Variants in TTLL11 observed in about 807,000 individuals in gnomAD.
TTLL11 encodes tubulin polyglutamylase TTLL11.
Under a neutral mutation model 51.7 loss-of-function variants are expected in TTLL11, and 42 were observed. That is an observed-to-expected ratio of 0.81 (90% CI 0.64 to 1.05). TTLL11 has a LOEUF of 1.05. TTLL11 is among the 50% of genes least tolerant of loss of function. The pLI is 0.00. For missense variants in TTLL11, 799 were observed against 940.4 expected (o/e 0.85, Z 1.97); for synonymous variants, 381 against 383.5 (o/e 0.99, Z 0.08).
intron 6 of TTLL11, among the ~76,000 whole-genome samples, chr9:121,883,400 T>C (rs1371483960): frequency 2.0e-5 from 3 of 152,174 alleles, no homozygotes; most frequent in Non-Finnish European, 4.4e-5. Flanking sequence ...TCCTTTGACA[T>C]ATATTTATTG....
intron 1 of TTLL11, among the ~76,000 whole-genome samples, chr9:122,079,104 A>G (rs1320728514): frequency 6.6e-6 from 1 of 152,098 alleles, no homozygotes; most frequent in Non-Finnish European, 1.5e-5. Flanking sequence ...TCTTGGGTAT[A>G]TATCAGGAGA....
At chr9:122,066,214 A>G (rs116531720) in intron 1 of TTLL11, among the ~76,000 whole-genome samples, 43 of 140,642 alleles carry the variant, frequency 3.1e-4, no homozygotes, top group African/African-American at 3.3e-4. Flanking sequence ...TGTTGTTGTT[A>G]GTGGTGGTGG....
At chr9:121,905,463 T>C (rs928412744) in intron 6 of TTLL11, among the ~76,000 whole-genome samples, 6 of 151,984 alleles carry the variant, frequency 3.9e-5, no homozygotes, top group African/African-American at 1.2e-4. Context: ...GCTATTCTCA[T>C]GCCTCAGCCT....
chr9:121,968,318 C>T (rs1473025208), intron 6 of TTLL11, among the ~76,000 whole-genome samples: 1 of 152,112 alleles, frequency 6.6e-6, no homozygotes, highest in East Asian at 1.9e-4. Flanking sequence ...CTTCAGGAGC[C>T]AAAGGTAATT....
At chr9:121,834,713 G>A (rs56678373) in intron 8 of TTLL11, among the ~76,000 whole-genome samples, 2,426 of 152,058 alleles carry the variant, frequency 0.016, 66 homozygotes, top group African/African-American at 0.054. Context: ...TGTAATCCTA[G>A]CTACTCAGGA....
At chr9:122,034,429 C>T (rs1049609732) in intron 2 of TTLL11, among the ~76,000 whole-genome samples, 4 of 152,218 alleles carry the variant, frequency 2.6e-5, no homozygotes, top group African/African-American at 7.2e-5. Context: ...AAATGGCCAA[C>T]TTAAGAAGCA....
intron 7 of TTLL11, among the ~76,000 whole-genome samples, chr9:121,866,749 T>A (rs1237448715): frequency 5.3e-5 from 8 of 152,096 alleles, no homozygotes; most frequent in African/African-American, 1.9e-4. Flanking sequence ...GCATTCTTAA[T>A]TACTACAGAC....
At chr9:121,895,581 G>T (rs1378126462) in intron 6 of TTLL11, among the ~76,000 whole-genome samples, 1 of 150,896 alleles carries the variant, frequency 6.6e-6, no homozygotes, top group Non-Finnish European at 1.5e-5. Flanking sequence ...TTGTGTGTTT[G>T]TGTGACTGTG....
rs541040221 is a variant in TTLL11 at position 121,826,658 on chromosome 9, C to T, written c.1841-3779G>A. 2.6e-4 allele frequency among the ~76,000 whole-genome samples: 39 copies of T among 150,038 alleles called. 2 individuals carry two copies. Among genetic ancestry groups the T allele is most frequent in the Admixed American group, 2.3e-3 (35 of 14,998 alleles). On this transcript the variant is annotated intron_variant, in intron 8 of 8. Transcript: ENST00000321582. ...CAATCCTCATGCACTGCTGCTTCTG[C>T]ACCTTATTCCCAGAAACCCTCTGGA...
At chr9:121,952,648 T>A (rs918144991) in intron 6 of TTLL11, among the ~76,000 whole-genome samples, 2 of 152,094 alleles carry the variant, frequency 1.3e-5, no homozygotes, top group Non-Finnish European at 1.5e-5. Context: ...TCTGTTCCCC[T>A]GGGGAAATAA....
intron 4 of TTLL11, among the ~76,000 whole-genome samples, chr9:121,978,774 G>T (rs543826102): frequency 6.6e-6 from 1 of 152,186 alleles, no homozygotes; most frequent in East Asian, 1.9e-4. Flanking sequence ...TTATGCAAAG[G>T]TTCCAAACTA....
At chr9:121,915,761 G>A (rs1287855841) in intron 6 of TTLL11, among the ~76,000 whole-genome samples, 1 of 151,892 alleles carries the variant, frequency 6.6e-6, no homozygotes, top group Non-Finnish European at 1.5e-5. Context: ...GCTACTTTAT[G>A]TTATCTTCAC....
At chr9:121,998,859 C>T (rs1018822039) in intron 3 of TTLL11, among the ~76,000 whole-genome samples, 84 of 152,260 alleles carry the variant, frequency 5.5e-4, no homozygotes, top group African/African-American at 1.8e-3. Context: ...AGGCTAGTCT[C>T]GAACTCCTGA....
chr9:121,948,866 G>A (rs7851839), intron 6 of TTLL11, among the ~76,000 whole-genome samples: 56,202 of 152,020 alleles, frequency 0.37, 11,067 homozygotes, highest in East Asian at 0.57. Context: ...GACACAACAC[G>A]GTATAAGAGC....
intron 1 of TTLL11, among the ~76,000 whole-genome samples, chr9:122,086,667 G>C (rs1052353381): frequency 2.0e-5 from 3 of 152,242 alleles, no homozygotes; most frequent in African/African-American, 7.2e-5. Context: ...ACAGGATTTG[G>C]AAGGTGCAGG....
At chr9:121,899,889 A>T (rs535607564) in intron 6 of TTLL11, among the ~76,000 whole-genome samples, 2 of 152,346 alleles carry the variant, frequency 1.3e-5, no homozygotes, top group East Asian at 3.9e-4. Flanking sequence ...GACTAAATTT[A>T]AAAATTACCC....
At chr9:122,019,370 G>A (rs188961587) in intron 3 of TTLL11, among the ~76,000 whole-genome samples, 5 of 152,156 alleles carry the variant, frequency 3.3e-5, no homozygotes, top group South Asian at 2.1e-4. Flanking sequence ...CTTGATAAGC[G>A]CTTTACCTTG....
intron 6 of TTLL11, among the ~76,000 whole-genome samples, chr9:121,897,672 G>C (rs1000101404): frequency 1.3e-5 from 2 of 149,648 alleles, no homozygotes; most frequent in Non-Finnish European, 3.0e-5. Flanking sequence ...TGCCCCGGGA[G>C]GGTGTTCTCA....
chr9:122,029,992 C>T (rs1238255328), intron 3 of TTLL11, among the ~76,000 whole-genome samples: 2 of 152,054 alleles, frequency 1.3e-5, no homozygotes, highest in African/African-American at 4.8e-5. Flanking sequence ...TAGGCTATAC[C>T]GTATAGCCTG....
Sources: allele counts gnomAD v4.1 joint callset (sites outside exome capture counted in the v4.1 genomes callset), GRCh38; gene constraint gnomAD v4.1.1; transcripts MANE v1.5; gene names NCBI Gene and HGNC (gene_info 2026-07-23, HGNC 2026-07-21).